TGFBR1: variants seen among roughly 807,000 people sequenced by gnomAD.
TGFBR1 encodes TGF-beta receptor type-1.
In TGFBR1, 20 loss-of-function variants were observed where a neutral mutation model predicts 55.1. The observed-to-expected ratio is 0.36, with a 90% CI of 0.26 to 0.53. TGFBR1 has a LOEUF of 0.53. Among genes scored for constraint, TGFBR1 ranks in the 20% least tolerant of loss-of-function variants. The pLI is 0.91. For missense variants in TGFBR1, 385 were observed against 617.6 expected, an observed-to-expected ratio of 0.62 and a Z score of 3.99; for synonymous variants, 220 against 214.8, an observed-to-expected ratio of 1.02 and a Z score of -0.21.
intron 2 of TGFBR1, among the ~76,000 whole-genome samples, chr9:99,131,534 C>A (rs1047208582): frequency 6.6e-6 from 1 of 151,660 alleles, no homozygotes; most frequent in Non-Finnish European, 1.5e-5. Flanking sequence ...TCTGAAACAA[C>A]CAGAAAATCT....
chr9:99,129,595 G>C (rs1193003525), intron 2 of TGFBR1, among the ~76,000 whole-genome samples: 1 of 152,130 alleles, frequency 6.6e-6, no homozygotes. Context: ...TTCACCTGTA[G>C]TTTACATTTA....
At chr9:99,115,183 T>C (rs1826701045) in intron 1 of TGFBR1, among the ~76,000 whole-genome samples, 1 of 152,190 alleles carries the variant, frequency 6.6e-6, no homozygotes, top group Non-Finnish European at 1.5e-5. Context: ...TTTGTAAGGA[T>C]TCACTTTTCC....
intron 3 of TGFBR1, among the ~76,000 whole-genome samples, chr9:99,134,537 T>A (rs1416927338): frequency 6.6e-6 from 1 of 152,002 alleles, no homozygotes; most frequent in Non-Finnish European, 1.5e-5. Context: ...GTCATCCTGC[T>A]CAAAACTGTG....
At chr9:99,111,624 A>T (rs769439723) in intron 1 of TGFBR1, among the ~76,000 whole-genome samples, 2 of 152,128 alleles carry the variant, frequency 1.3e-5, no homozygotes, top group Non-Finnish European at 2.9e-5. Context: ...GTGAAACTCC[A>T]TCTCAACAAA....
chr9:99,142,954 G>T (rs1827669194), intron 5 of TGFBR1, among the ~76,000 whole-genome samples: 1 of 152,122 alleles, frequency 6.6e-6, no homozygotes, highest in Admixed American at 6.5e-5. Context: ...AGCTACTCAG[G>T]GGGCTGAGGT....
At chr9:99,132,481 G>A in intron 2 of TGFBR1, 28 bp from the exon 3 acceptor site, 2 of 1,612,916 alleles carry the variant, frequency 1.2e-6, no homozygotes, top group Non-Finnish European at 1.7e-6. Flanking sequence ...CGTTGTTGAT[G>A]TTTATTTCAC....
chr9:99,128,479 A>T (rs1015628576), intron 1 of TGFBR1, among the ~76,000 whole-genome samples: 7 of 99,628 alleles, frequency 7.0e-5, no homozygotes, highest in African/African-American at 2.8e-4. Context: ...GCCTGGTAAA[A>T]AAAAAAAAAA....
chr9:99,141,307 T>A (rs977186479), intron 4 of TGFBR1, among the ~76,000 whole-genome samples: 1 of 152,250 alleles, frequency 6.6e-6, no homozygotes, highest in African/African-American at 2.4e-5. Context: ...TAAGTCCTTT[T>A]AAATGTACCC....
At chr9:99,125,474 G>A (rs984794895) in intron 1 of TGFBR1, among the ~76,000 whole-genome samples, 3 of 152,214 alleles carry the variant, frequency 2.0e-5, no homozygotes, top group African/African-American at 7.2e-5. Context: ...TACTACACAT[G>A]TAGGACCCAT....
At chr9:99,118,555 A>T (rs1256869279) in intron 1 of TGFBR1, among the ~76,000 whole-genome samples, 1 of 152,080 alleles carries the variant, frequency 6.6e-6, no homozygotes, top group Non-Finnish European at 1.5e-5. Flanking sequence ...TAAGATTTTT[A>T]AAAATCATGA....
At chr9:99,136,000 G>T (rs1827428354) in intron 3 of TGFBR1, among the ~76,000 whole-genome samples, 1 of 151,842 alleles carries the variant, frequency 6.6e-6, no homozygotes, top group African/African-American at 2.4e-5. Flanking sequence ...GATTACAGGT[G>T]TGCACCACCA....
chr9:99,112,036 C>T (rs758541685), intron 1 of TGFBR1, among the ~76,000 whole-genome samples: 17 of 152,034 alleles, frequency 1.1e-4, no homozygotes, highest in Non-Finnish European at 2.1e-4. Context: ...AAAGAGCATT[C>T]TAAGTTTCAG....
chr9:99,119,583 A>G (rs1270011839), intron 1 of TGFBR1, among the ~76,000 whole-genome samples: 2 of 152,212 alleles, frequency 1.3e-5, no homozygotes, highest in Non-Finnish European at 2.9e-5. Flanking sequence ...TCATCTCTAA[A>G]GGAGCTGGGA....
intron 1 of TGFBR1, among the ~76,000 whole-genome samples, chr9:99,115,895 A>G (rs999203833): frequency 4.6e-5 from 7 of 152,204 alleles, no homozygotes; most frequent in African/African-American, 1.7e-4. Flanking sequence ...AAAAAATTAC[A>G]AATCAGGGGC....
chr9:99,112,669 G>C (rs1428010227), intron 1 of TGFBR1, among the ~76,000 whole-genome samples: 2 of 152,246 alleles, frequency 1.3e-5, no homozygotes, highest in East Asian at 1.9e-4. Context: ...CAGAAATTCA[G>C]AGTGACTCCA....
At chr9:99,134,827 T>TAC (rs1188845137) in intron 3 of TGFBR1, among the ~76,000 whole-genome samples, 5 of 110,616 alleles carry the variant, frequency 4.5e-5, no homozygotes, top group African/African-American at 1.6e-4. Flanking sequence ...TATATATATA[T>TAC]ATATATATAT....
rs886991895 is a variant in TGFBR1 at position 99,151,517 on chromosome 9, A to G, written c.*2212A>G. 1 of 229,638 alleles carries G rather than the reference A, an allele frequency of 4.4e-6. No individual in the cohort carries two copies. The highest frequency in any genetic ancestry group is 8.6e-6 in the Non-Finnish European group (1 of 115,876). 14.2% of individuals were successfully genotyped at this position (229,638 alleles called of 1,614,324 possible). A position where few individuals can be genotyped will look rare whatever the true frequency, so the allele number is the denominator to read the frequency against. On this transcript the variant is annotated 3_prime_UTR_variant, in exon 9 of 9. Coordinates refer to ENST00000374994, the MANE Select transcript of TGFBR1 (RefSeq NM_004612.4). ...TATTTTTATATAATTTTAAGAATAT[A>G]CCAAAAGTTGTCTGATTTAAAGTTG...
chr9:99,129,356 ACT>A (rs1355566081), intron 2 of TGFBR1, among the ~76,000 whole-genome samples: 4 of 152,074 alleles, frequency 2.6e-5, no homozygotes, highest in African/African-American at 9.7e-5. Flanking sequence ...ATAAAAGCAA[ACT>A]CTGACAAAGC....
At position 99,146,955 on chromosome 9, in the gene TGFBR1, A is replaced by T. The variant is rs568091262; in HGVS notation, c.1255+346A>T. On this transcript the variant is annotated intron_variant, in intron 7 of 8. Coordinates refer to ENST00000374994, the MANE Select transcript of TGFBR1 (RefSeq NM_004612.4). ...TAGCATGTACCTGGGTGTCAAACTTATTTTTTTTCTTTGAGATTGTGGTTA... is the reference window on the plus strand; with the variant it reads ...TAGCATGTACCTGGGTGTCAAACTTTTTTTTTTTCTTTGAGATTGTGGTTA... Among the ~76,000 whole-genome samples the T allele has an allele frequency of 2.3e-4, 35 of 151,920 alleles. No individual in the cohort carries two copies. The South Asian group carries it at 7.3e-3, about 32-fold the overall frequency.
Sources: allele counts gnomAD v4.1 joint callset (sites outside exome capture counted in the v4.1 genomes callset), GRCh38; gene constraint gnomAD v4.1.1; transcripts MANE v1.5; gene names NCBI Gene and HGNC (gene_info 2026-07-23, HGNC 2026-07-21).